The following RNF150 variants were observed in gnomAD, a reference collection of about 807,000 sequenced individuals.
The protein encoded by RNF150 is ring finger protein 150.
Under a neutral mutation model 39.3 loss-of-function variants are expected in RNF150, and 24 were observed. The observed-to-expected ratio is 0.61, with a 90% CI of 0.44 to 0.86. RNF150 has a LOEUF of 0.86. Among genes scored for constraint, RNF150 ranks in the 40% least tolerant of loss-of-function variants. RNF150 has a pLI of 0.00. For synonymous variants in RNF150, 255 were observed against 227.3 expected (o/e 1.12, Z -1.10); for missense variants, 502 against 587.8 (o/e 0.85, Z 1.51).
chr4:140,973,145 T>A (rs897483068), intron 1 of RNF150, among the ~76,000 whole-genome samples: 1 of 152,144 alleles, frequency 6.6e-6, no homozygotes, highest in Non-Finnish European at 1.5e-5. Flanking sequence ...CTCCCTACCA[T>A]CAAGTAAGTG....
chr4:141,195,820 A>G (rs1175305486), intron 1 of RNF150, among the ~76,000 whole-genome samples: 1 of 152,210 alleles, frequency 6.6e-6, no homozygotes, highest in East Asian at 1.9e-4. Context: ...GATAAAGTCG[A>G]AACATGCATC....
chr4:141,206,597 G>GC (rs1000806020), intron 1 of RNF150, among the ~76,000 whole-genome samples: 11 of 151,888 alleles, frequency 7.2e-5, no homozygotes, highest in African/African-American at 1.7e-4. Context: ...TAGTCAGAAT[G>GC]CCCCCCCAGT....
chr4:141,055,913 G>A (rs985654309), intron 1 of RNF150, among the ~76,000 whole-genome samples: 37 of 152,290 alleles, frequency 2.4e-4, no homozygotes, highest in African/African-American at 8.7e-4. Flanking sequence ...ACACACAGGT[G>A]TGCACTTTGA....
intron 6 of RNF150, among the ~76,000 whole-genome samples, chr4:140,906,539 C>T (rs1730382699): frequency 6.6e-6 from 1 of 152,224 alleles, no homozygotes; most frequent in East Asian, 1.9e-4. Context: ...CAAGGGATGA[C>T]TGTTCAACAT....
intron 6 of RNF150, among the ~76,000 whole-genome samples, chr4:140,905,524 T>C (rs971170850): frequency 1.2e-4 from 19 of 152,116 alleles, no homozygotes; most frequent in Non-Finnish European, 2.9e-5. Context: ...ATCACCCATC[T>C]TGAGGCAATA....
At chr4:141,093,885 GTGAA>G (rs1335974194) in intron 1 of RNF150, among the ~76,000 whole-genome samples, 1 of 152,154 alleles carries the variant, frequency 6.6e-6, no homozygotes, top group Non-Finnish European at 1.5e-5. Flanking sequence ...TTATTTTTAA[GTGAA>G]TGAAAGAAGA....
At chr4:141,044,912 T>G (rs1290299888) in intron 1 of RNF150, among the ~76,000 whole-genome samples, 1 of 152,246 alleles carries the variant, frequency 6.6e-6, no homozygotes, top group Non-Finnish European at 1.5e-5. Context: ...CACAATTTGT[T>G]AGTTTAATAT....
chr4:140,898,915 T>C (rs1483531795), intron 6 of RNF150, among the ~76,000 whole-genome samples: 1 of 152,214 alleles, frequency 6.6e-6, no homozygotes, highest in Non-Finnish European at 1.5e-5. Context: ...GGCATAAGTC[T>C]TAATTTATAG....
chr4:141,136,958 TG>T (rs1468535431), upstream of RNF150, among the ~76,000 whole-genome samples: 1 of 152,208 alleles, frequency 6.6e-6, no homozygotes, highest in Admixed American at 6.5e-5. Flanking sequence ...TTTGGGGGAC[TG>T]GTTTTACCAG....
chr4:141,042,306 C>G (rs960299258), intron 1 of RNF150, among the ~76,000 whole-genome samples: 4 of 152,058 alleles, frequency 2.6e-5, no homozygotes, highest in Non-Finnish European at 5.9e-5. Flanking sequence ...AAGACAAATA[C>G]GACTTAGTCA....
At chr4:140,914,980 T>C (rs1222586023) in intron 5 of RNF150, among the ~76,000 whole-genome samples, 3 of 152,194 alleles carry the variant, frequency 2.0e-5, no homozygotes, top group Non-Finnish European at 1.5e-5. Flanking sequence ...AAAAATAATA[T>C]GCCACATGTA....
chr4:141,027,912 G>GT (rs749317137), intron 1 of RNF150, among the ~76,000 whole-genome samples: 743 of 27,038 alleles, frequency 0.027, 18 homozygotes, highest in African/African-American at 0.046. Context: ...CTTGGAATTT[G>GT]TTTTTTTTTT....
At chr4:141,177,068 A>C (rs1158698249) in intron 1 of RNF150, among the ~76,000 whole-genome samples, 15 of 151,116 alleles carry the variant, frequency 9.9e-5, no homozygotes, top group Admixed American at 1.3e-4. Context: ...AAAAAAAAAA[A>C]AAAAAACAAA....
chr4:140,984,721 G>A (rs7676279), intron 1 of RNF150, among the ~76,000 whole-genome samples: 1 of 152,050 alleles, frequency 6.6e-6, no homozygotes, highest in Non-Finnish European at 1.5e-5. Flanking sequence ...ACTCTCACTT[G>A]GTGTGGGCCA....
At chr4:140,883,524 T>G (rs566284308) in intron 6 of RNF150, among the ~76,000 whole-genome samples, 1 of 152,172 alleles carries the variant, frequency 6.6e-6, no homozygotes, top group African/African-American at 2.4e-5. Flanking sequence ...CCCTTCAGTT[T>G]TGAGGACAGT....
chr4:140,966,001 T>C (rs540522424), intron 2 of RNF150, among the ~76,000 whole-genome samples: 1 of 152,244 alleles, frequency 6.6e-6, no homozygotes, highest in Non-Finnish European at 1.5e-5. Flanking sequence ...AACACCATAC[T>C]GTAAACTTCA....
intron 6 of RNF150, among the ~76,000 whole-genome samples, chr4:140,888,060 G>A (rs955667484): frequency 1.3e-5 from 2 of 152,196 alleles, no homozygotes; most frequent in African/African-American, 4.8e-5. Context: ...GAAAGCACGT[G>A]AAGAAGCCTG....
intron 1 of RNF150, among the ~76,000 whole-genome samples, chr4:141,067,933 T>G (rs534678706): frequency 6.7e-6 from 1 of 150,158 alleles, no homozygotes. Flanking sequence ...TTTCTACCAC[T>G]GGAACAGAGT....
chr4:140,879,557 T>A (rs983891518), intron 6 of RNF150, among the ~76,000 whole-genome samples: 1 of 152,204 alleles, frequency 6.6e-6, no homozygotes, highest in South Asian at 2.1e-4. Context: ...TAATCTTTTA[T>A]GTTAATTTTG....
Sources: gnomAD v4.1 joint callset for allele counts (sites outside exome capture counted in the v4.1 genomes callset) on GRCh38, gnomAD v4.1.1 for gene constraint, MANE v1.5 for transcripts, NCBI Gene and HGNC (gene_info 2026-07-23, HGNC 2026-07-21) for gene names.